The following TBC1D5 variants were observed in gnomAD, a reference collection of about 807,000 sequenced individuals.
TBC1D5 encodes the protein TBC1 domain family member 5.
Under a neutral mutation model 100.3 loss-of-function variants are expected in TBC1D5, and 75 were observed. That is an observed-to-expected ratio of 0.75 (90% CI 0.62 to 0.91). The LOEUF (loss-of-function observed/expected upper bound fraction) is 0.91. Among genes scored for constraint, TBC1D5 ranks in the 40% least tolerant of loss-of-function variants. TBC1D5 has a pLI of 0.00. For synonymous variants in TBC1D5, 323 were observed against 325.6 expected (o/e 0.99, Z 0.09); for missense variants, 910 against 942.4 (o/e 0.97, Z 0.45).
intron 8 of TBC1D5, among the ~76,000 whole-genome samples, chr3:17,396,585 TA>T (rs534166434): frequency 5.8e-4 from 86 of 147,172 alleles, no homozygotes; most frequent in East Asian, 7.9e-4. Flanking sequence ...ATCTTTAAAT[TA>T]AAAAAAAAAA....
At chr3:17,554,112 C>A (rs1407064823) in intron 2 of TBC1D5, among the ~76,000 whole-genome samples, 2 of 152,156 alleles carry the variant, frequency 1.3e-5, no homozygotes, top group African/African-American at 4.8e-5. Context: ...GATAGAATCC[C>A]TATTCTACAG....
chr3:17,656,609 C>T (rs1486383165), intron 1 of TBC1D5, among the ~76,000 whole-genome samples: 3 of 152,116 alleles, frequency 2.0e-5, no homozygotes, highest in Non-Finnish European at 4.4e-5. Context: ...CATGAACTAA[C>T]TTCAGACACT....
chr3:17,380,498 T>C (rs1331692325), intron 9 of TBC1D5, among the ~76,000 whole-genome samples: 1 of 152,082 alleles, frequency 6.6e-6, no homozygotes, highest in Non-Finnish European at 1.5e-5. Context: ...TTCAATATGC[T>C]ACAAATTTGA....
At position 17,498,983 on chromosome 3, in the gene TBC1D5, C is replaced by T. The variant is rs75356537; in HGVS notation, c.97+9491G>A. Among the ~76,000 whole-genome samples the T allele has an allele frequency of 3.8e-3, 580 of 152,088 alleles. 11 individuals carry two copies. The East Asian group carries it at 0.04, about 10-fold the overall frequency. ...TTGAGATAAATAGGTCTTTGGGGAC[C>T]TCTACTTTGGTTGGGGGGTGGCAGG... On this transcript the variant is annotated intron_variant, in intron 3 of 21. Transcript: ENST00000253692.
chr3:17,397,539 T>C (rs1232725520), intron 8 of TBC1D5, among the ~76,000 whole-genome samples: 1 of 152,070 alleles, frequency 6.6e-6, no homozygotes. Flanking sequence ...GTCTGGCTAA[T>C]GGCTAATTTC....
At chr3:17,186,710 C>A (rs1357901303) in intron 18 of TBC1D5, among the ~76,000 whole-genome samples, 3 of 27,278 alleles carry the variant, frequency 1.1e-4, no homozygotes, top group Non-Finnish European at 1.4e-4. Context: ...ACTCTATCTC[C>A]AAAAAAAAAA....
chr3:17,592,238 C>T (rs527971155), intron 2 of TBC1D5, among the ~76,000 whole-genome samples: 44 of 152,262 alleles, frequency 2.9e-4, no homozygotes, highest in South Asian at 6.2e-4. Flanking sequence ...GGAGAGATTT[C>T]GACAGCTTTT....
chr3:17,172,990 A>G (rs1233996917), intron 19 of TBC1D5, among the ~76,000 whole-genome samples: 1 of 152,166 alleles, frequency 6.6e-6, no homozygotes, highest in Non-Finnish European at 1.5e-5. Flanking sequence ...CCCTCCTCAT[A>G]GGATGGCTGT....
At chr3:17,225,284 C>G (rs1350954793) in intron 17 of TBC1D5, among the ~76,000 whole-genome samples, 1 of 151,458 alleles carries the variant, frequency 6.6e-6, no homozygotes, top group African/African-American at 2.4e-5. Flanking sequence ...ATTAAAAATA[C>G]AAAAATTAGC....
chr3:17,578,516 A>G (rs1370428936), intron 2 of TBC1D5, among the ~76,000 whole-genome samples: 1 of 152,058 alleles, frequency 6.6e-6, no homozygotes, highest in African/African-American at 2.4e-5. Context: ...CGGTGACTTC[A>G]ATGGGAAATT....
chr3:17,427,721 G>A (rs546481550), intron 4 of TBC1D5, among the ~76,000 whole-genome samples: 1 of 151,734 alleles, frequency 6.6e-6, no homozygotes, highest in South Asian at 2.1e-4. Context: ...TATTGAATTT[G>A]CACTTTTTTC....
At chr3:17,390,577 A>T (rs1360628962) in intron 8 of TBC1D5, among the ~76,000 whole-genome samples, 1 of 152,110 alleles carries the variant, frequency 6.6e-6, no homozygotes, top group Non-Finnish European at 1.5e-5. Context: ...ATCATGCAAT[A>T]GGACAAAGAA....
chr3:17,316,541 G>C (rs746068086), intron 13 of TBC1D5, among the ~76,000 whole-genome samples: 1 of 152,182 alleles, frequency 6.6e-6, no homozygotes, highest in African/African-American at 2.4e-5. Flanking sequence ...TGTTATTGCG[G>C]ATGCTTGTAT....
chr3:17,228,759 T>G (rs1206442790), intron 17 of TBC1D5, among the ~76,000 whole-genome samples: 1 of 151,798 alleles, frequency 6.6e-6, no homozygotes, highest in African/African-American at 2.4e-5. Flanking sequence ...TCTAGCTATC[T>G]TATGTCCTTC....
intron 18 of TBC1D5, among the ~76,000 whole-genome samples, chr3:17,206,959 G>T (rs1345457240): frequency 6.6e-6 from 1 of 152,084 alleles, no homozygotes; most frequent in Non-Finnish European, 1.5e-5. Flanking sequence ...ATTGAGGCAG[G>T]GGCTTGGCTC....
At chr3:17,391,015 T>G (rs988487902) in intron 8 of TBC1D5, among the ~76,000 whole-genome samples, 4 of 152,054 alleles carry the variant, frequency 2.6e-5, no homozygotes, top group Non-Finnish European at 5.9e-5. Context: ...GAGGAAATTA[T>G]GTGGGACCAG....
intron 8 of TBC1D5, among the ~76,000 whole-genome samples, chr3:17,400,728 G>C (rs144514616): frequency 1.3e-5 from 2 of 152,060 alleles, no homozygotes; most frequent in East Asian, 3.9e-4. Flanking sequence ...CTGCCAGTGT[G>C]GCTAGAATAA....
chr3:17,419,017 T>C (rs2149238316), intron 4 of TBC1D5, among the ~76,000 whole-genome samples: 1 of 152,268 alleles, frequency 6.6e-6, no homozygotes, highest in Non-Finnish European at 1.5e-5. Context: ...TTGGTATCCA[T>C]GGGGGTCCTG....
intron 9 of TBC1D5, among the ~76,000 whole-genome samples, chr3:17,379,156 G>A (rs2092831212): frequency 6.7e-6 from 1 of 148,756 alleles, no homozygotes; most frequent in South Asian, 2.1e-4. Context: ...TCATTATCAT[G>A]TAGGTTACAT....
Sources: allele counts gnomAD v4.1 joint callset (sites outside exome capture counted in the v4.1 genomes callset), GRCh38; gene constraint gnomAD v4.1.1; transcripts MANE v1.5; gene names NCBI Gene and HGNC (gene_info 2026-07-23, HGNC 2026-07-21).